GRM5: variants seen among roughly 807,000 people sequenced by gnomAD.
GRM5 encodes glutamate metabotropic receptor 5, also known as metabotropic glutamate receptor 5.
Under a neutral mutation model 83.1 loss-of-function variants are expected in GRM5, and 19 were observed. That is an observed-to-expected ratio of 0.23 (90% CI 0.16 to 0.34). The LOEUF (loss-of-function observed/expected upper bound fraction) is 0.34, where lower values mean the gene tolerates loss of function less well. Among genes scored for constraint, GRM5 ranks in the 10% least tolerant of loss-of-function variants. The probability of loss-of-function intolerance (pLI) is 1.00; values close to 1 mark genes in which losing one functional copy is unlikely to be tolerated. For missense variants in GRM5, 1,160 were observed against 1,588.3 expected, an observed-to-expected ratio of 0.73 and a Z score of 4.58; for synonymous variants, 675 against 633.6, an observed-to-expected ratio of 1.07 and a Z score of -0.98.
chr11:88,646,654 T>A (rs930753561), intron 4 of GRM5, among the ~76,000 whole-genome samples: 3 of 147,180 alleles, frequency 2.0e-5, no homozygotes, highest in Non-Finnish European at 4.6e-5. Flanking sequence ...AAATGAAAAT[T>A]CCTTTACTGC....
chr11:88,999,772 T>C (rs1205820669), intron 2 of GRM5, among the ~76,000 whole-genome samples: 1 of 152,156 alleles, frequency 6.6e-6, no homozygotes, highest in African/African-American at 2.4e-5. Flanking sequence ...CATGCTGCTA[T>C]AAAGACACAT....
intron 2 of GRM5, among the ~76,000 whole-genome samples, chr11:88,980,394 T>C (rs889038844): frequency 6.6e-6 from 1 of 152,198 alleles, no homozygotes; most frequent in Non-Finnish European, 1.5e-5. Context: ...ACTATTGATG[T>C]CCTCAACCTA....
intron 2 of GRM5, among the ~76,000 whole-genome samples, chr11:89,005,724 C>T (rs919499485): frequency 3.9e-5 from 6 of 152,082 alleles, no homozygotes; most frequent in African/African-American, 1.2e-4. Context: ...AGTAATGTAA[C>T]GGTGGATGCC....
chr11:88,946,503 GTTCTT>G, intron 2 of GRM5, among the ~76,000 whole-genome samples: 1 of 152,176 alleles, frequency 6.6e-6, no homozygotes, highest in Non-Finnish European at 1.5e-5. Flanking sequence ...TTAAAATTAT[GTTCTT>G]TGCAGCATCA....
intron 2 of GRM5, among the ~76,000 whole-genome samples, chr11:88,986,141 T>A (rs1459594284): frequency 6.6e-6 from 1 of 152,130 alleles, no homozygotes; most frequent in African/African-American, 2.4e-5. Context: ...GGTACATCCA[T>A]CTCATGGAGT....
At chr11:88,993,657 T>C (rs531076807) in intron 2 of GRM5, among the ~76,000 whole-genome samples, 2 of 152,272 alleles carry the variant, frequency 1.3e-5, no homozygotes, top group East Asian at 3.9e-4. Context: ...AAGACCCCAC[T>C]GAAAAGATAT....
At chr11:88,748,597 G>A (rs1942193355) in intron 3 of GRM5, among the ~76,000 whole-genome samples, 1 of 152,152 alleles carries the variant, frequency 6.6e-6, no homozygotes, top group South Asian at 2.1e-4. Flanking sequence ...AAAGCATCCA[G>A]ACTGCTTCTC....
intron 2 of GRM5, among the ~76,000 whole-genome samples, chr11:89,012,858 C>A (rs1225746644): frequency 6.6e-6 from 1 of 152,208 alleles, no homozygotes; most frequent in Non-Finnish European, 1.5e-5. Context: ...TTCCTAAATT[C>A]ACTCAGTGCT....
intron 3 of GRM5, among the ~76,000 whole-genome samples, chr11:88,744,850 T>C (rs888255672): frequency 3.9e-5 from 6 of 152,114 alleles, no homozygotes; most frequent in Non-Finnish European, 8.8e-5. Context: ...TGGCAAACAC[T>C]GAGTTTAAGG....
At chr11:89,049,170 A>T (rs987646773) in intron 1 of GRM5, among the ~76,000 whole-genome samples, 6 of 152,176 alleles carry the variant, frequency 3.9e-5, no homozygotes, top group African/African-American at 1.2e-4. Context: ...ATCCAGAAAA[A>T]CATTCCACAT....
At chr11:88,696,474 G>GCCTCCCTC (rs1940905274) in intron 3 of GRM5, among the ~76,000 whole-genome samples, 1 of 152,074 alleles carries the variant, frequency 6.6e-6, no homozygotes, top group South Asian at 2.1e-4. Context: ...CTGCCTCCCT[G>GCCTCCCTC]CCTCCCTTCT....
intron 3 of GRM5, among the ~76,000 whole-genome samples, chr11:88,658,378 C>A (rs967697444): frequency 2.6e-5 from 4 of 152,158 alleles, no homozygotes; most frequent in African/African-American, 9.7e-5. Context: ...CATGGCTAAA[C>A]CTGACCTGAA....
At chr11:88,680,395 C>G (rs1940449154) in intron 3 of GRM5, among the ~76,000 whole-genome samples, 1 of 152,166 alleles carries the variant, frequency 6.6e-6, no homozygotes, top group Non-Finnish European at 1.5e-5. Flanking sequence ...TCATCCATGT[C>G]CCTACAAAGG....
intron 3 of GRM5, among the ~76,000 whole-genome samples, chr11:88,811,595 TGTAGAATGAAA>T (rs1173191931): frequency 2.6e-5 from 4 of 152,124 alleles, no homozygotes; most frequent in Non-Finnish European, 5.9e-5. Flanking sequence ...GGGCTCACTC[TGTAGAATGAAA>T]GTAGAATGAA....
intron 8 of GRM5, among the ~76,000 whole-genome samples, chr11:88,553,703 G>A (rs767812574): frequency 1.3e-4 from 20 of 152,150 alleles, no homozygotes; most frequent in Admixed American, 3.3e-4. Flanking sequence ...GTATTACCAC[G>A]ACAGTGATTT....
At chr11:88,542,975 G>A (rs1942302969) in intron 8 of GRM5, among the ~76,000 whole-genome samples, 2 of 152,200 alleles carry the variant, frequency 1.3e-5, no homozygotes. Flanking sequence ...GGCTGAGGCA[G>A]GAGAATCACC....
intron 4 of GRM5, among the ~76,000 whole-genome samples, chr11:88,648,904 A>C (rs960504671): frequency 6.6e-6 from 1 of 151,518 alleles, no homozygotes; most frequent in East Asian, 1.9e-4. Context: ...AGAGAAATGC[A>C]GCAGAAGGAA....
At chr11:88,721,153 A>G (rs1260944822) in intron 3 of GRM5, among the ~76,000 whole-genome samples, 7 of 152,084 alleles carry the variant, frequency 4.6e-5, no homozygotes, top group Admixed American at 2.0e-4. Flanking sequence ...GAGCGAATAC[A>G]TGTAAAAACA....
At chr11:88,909,271 A>G (rs959476682) in intron 2 of GRM5, among the ~76,000 whole-genome samples, 1 of 152,040 alleles carries the variant, frequency 6.6e-6, no homozygotes, top group African/African-American at 2.4e-5. Flanking sequence ...AGCAATCTAA[A>G]ACTTATCGTA....
Sources: gnomAD v4.1 joint callset for allele counts (sites outside exome capture counted in the v4.1 genomes callset) on GRCh38, gnomAD v4.1.1 for gene constraint, MANE v1.5 for transcripts, NCBI Gene and HGNC (gene_info 2026-07-23, HGNC 2026-07-21) for gene names.